The following CNTNAP5 variants were observed in gnomAD, a reference collection of about 807,000 sequenced individuals.
CNTNAP5 encodes contactin-associated protein-like 5.
A neutral mutation model predicts 150.2 loss-of-function variants in CNTNAP5; 72 were observed. The observed-to-expected ratio is 0.48, with a 90% CI of 0.40 to 0.58. The LOEUF is 0.58. Among genes scored for constraint, CNTNAP5 ranks in the 20% least tolerant of loss-of-function variants. CNTNAP5 has a pLI of 0.00. For synonymous variants in CNTNAP5, 672 were observed against 619.8 expected (o/e 1.08, Z -1.25); for missense variants, 1,636 against 1,626.2 (o/e 1.01, Z -0.10).
At chr2:124,119,197 C>CTCTCA (rs1317786478) in intron 1 of CNTNAP5, among the ~76,000 whole-genome samples, 1 of 152,078 alleles carries the variant, frequency 6.6e-6, no homozygotes, top group Non-Finnish European at 1.5e-5. Context: ...TCCCCACTCA[C>CTCTCA]TCTCATCGCG....
chr2:124,074,383 G>A (rs1009081885), intron 1 of CNTNAP5, among the ~76,000 whole-genome samples: 4 of 152,056 alleles, frequency 2.6e-5, no homozygotes, highest in Admixed American at 1.3e-4. Context: ...ATGCTTGAAG[G>A]GATGGCTGCC....
intron 1 of CNTNAP5, among the ~76,000 whole-genome samples, 176 bp downstream of exon 1, chr2:124,025,908 A>G (rs1053749594): frequency 1.3e-5 from 2 of 152,174 alleles, no homozygotes; most frequent in African/African-American, 4.8e-5. Flanking sequence ...TAGAGCTCAA[A>G]TGAGCCAACC....
At chr2:124,746,915 A>G (rs1336163222) in intron 13 of CNTNAP5, among the ~76,000 whole-genome samples, 5 of 152,262 alleles carry the variant, frequency 3.3e-5, no homozygotes, top group Middle Eastern at 3.4e-3. Context: ...AAACATTTTG[A>G]TGAAAATGTC....
At chr2:124,401,806 C>T (rs765620607) in intron 3 of CNTNAP5, among the ~76,000 whole-genome samples, 20 of 152,168 alleles carry the variant, frequency 1.3e-4, no homozygotes, top group African/African-American at 2.2e-4. Context: ...GTGAGGGTAG[C>T]GATGCAGTAG....
chr2:124,510,386 CACAAAT>C (rs1478256630), intron 8 of CNTNAP5, among the ~76,000 whole-genome samples: 5 of 123,036 alleles, frequency 4.1e-5, no homozygotes, highest in African/African-American at 1.5e-4. Flanking sequence ...CACACACACA[CACAAAT>C]ATTCATTGGC....
Position 124,265,761 on chromosome 2 carries a change from C to T in CNTNAP5, c.381+23368C>T, listed in dbSNP as rs76582586. ...GCCGGCCTGGGAGCTAGGGACCTGTCTTCTGCTCCAGCAGCTCTGGTTGGA... is the reference window on the plus strand; with the variant it reads ...GCCGGCCTGGGAGCTAGGGACCTGTTTTCTGCTCCAGCAGCTCTGGTTGGA... On this transcript the variant is annotated intron_variant, in intron 3 of 23. Coordinates refer to ENST00000682447, the MANE Select transcript of CNTNAP5 (RefSeq NM_001367498.1). Among the ~76,000 whole-genome samples the T allele has an allele frequency of 2.0e-5, 3 of 152,162 alleles. No homozygotes were observed. The East Asian group carries it at 5.8e-4, about 30-fold the overall frequency.
chr2:124,448,501 A>T (rs989658121), intron 6 of CNTNAP5, among the ~76,000 whole-genome samples: 2 of 152,074 alleles, frequency 1.3e-5, no homozygotes, highest in Non-Finnish European at 2.9e-5. Flanking sequence ...GTTCAGTGAA[A>T]TCCCGTTGAC....
chr2:124,260,906 G>A (rs2104600747), intron 3 of CNTNAP5, among the ~76,000 whole-genome samples: 1 of 152,144 alleles, frequency 6.6e-6, no homozygotes, highest in Middle Eastern at 3.4e-3. Flanking sequence ...GAGTGCAATT[G>A]TCACATCTTA....
At chr2:124,655,479 G>C (rs1296184647) in intron 13 of CNTNAP5, among the ~76,000 whole-genome samples, 1 of 151,666 alleles carries the variant, frequency 6.6e-6, no homozygotes, top group Non-Finnish European at 1.5e-5. Flanking sequence ...CTTTATAGCA[G>C]AATGATTTAT....
At chr2:124,237,484 G>A (rs75256629) in intron 2 of CNTNAP5, among the ~76,000 whole-genome samples, 2,302 of 152,230 alleles carry the variant, frequency 0.015, 72 homozygotes, top group African/African-American at 0.053. Flanking sequence ...ATATAGAAGT[G>A]AGCATGGAGT....
At chr2:124,364,344 G>A (rs985329870) in intron 3 of CNTNAP5, among the ~76,000 whole-genome samples, 9 of 151,964 alleles carry the variant, frequency 5.9e-5, no homozygotes, top group Non-Finnish European at 1.0e-4. Flanking sequence ...CTGCAAATGC[G>A]TTTGCAATGA....
At chr2:124,732,333 T>C (rs1278466688) in intron 13 of CNTNAP5, among the ~76,000 whole-genome samples, 1 of 152,176 alleles carries the variant, frequency 6.6e-6, no homozygotes, top group Non-Finnish European at 1.5e-5. Flanking sequence ...GTCATATTCC[T>C]ATGGTATGAA....
intron 23 of CNTNAP5, among the ~76,000 whole-genome samples, chr2:124,912,275 T>A (rs1220316172): frequency 6.6e-6 from 1 of 152,138 alleles, no homozygotes; most frequent in Non-Finnish European, 1.5e-5. Context: ...CCGCCATCCC[T>A]GCCTTCTGGA....
intron 13 of CNTNAP5, among the ~76,000 whole-genome samples, chr2:124,713,440 C>A (rs1025789375): frequency 6.7e-6 from 1 of 149,198 alleles, no homozygotes; most frequent in Non-Finnish European, 1.5e-5. Context: ...TGCAGTGATG[C>A]CATCTCGGCT....
intron 12 of CNTNAP5, among the ~76,000 whole-genome samples, chr2:124,620,820 A>G (rs887789278): frequency 2.0e-5 from 3 of 152,026 alleles, no homozygotes; most frequent in Admixed American, 1.3e-4. Context: ...TGGTCATTTA[A>G]TATGCTAATG....
intron 17 of CNTNAP5, among the ~76,000 whole-genome samples, chr2:124,776,387 C>T (rs113841603): frequency 1.3e-5 from 2 of 152,156 alleles, no homozygotes; most frequent in African/African-American, 4.8e-5. Flanking sequence ...CTTGATAAGT[C>T]ATAACATTTG....
chr2:124,492,287 T>C (rs1694049869), intron 7 of CNTNAP5, among the ~76,000 whole-genome samples: 1 of 152,202 alleles, frequency 6.6e-6, no homozygotes, highest in African/African-American at 2.4e-5. Context: ...AAGTTAATTT[T>C]TGTGAGTGTT....
chr2:124,122,896 AT>A (rs1486534796), intron 1 of CNTNAP5, among the ~76,000 whole-genome samples: 3 of 148,898 alleles, frequency 2.0e-5, no homozygotes, highest in African/African-American at 5.0e-5. Flanking sequence ...AAGAAAAAAA[AT>A]ATATGTATAT....
At chr2:124,581,195 G>C (rs1376893585) in intron 11 of CNTNAP5, among the ~76,000 whole-genome samples, 3 of 152,152 alleles carry the variant, frequency 2.0e-5, no homozygotes, top group Non-Finnish European at 4.4e-5. Context: ...CCTGTTTTAT[G>C]CTTTCAAATT....
Sources: allele counts gnomAD v4.1 joint callset (sites outside exome capture counted in the v4.1 genomes callset), GRCh38; gene constraint gnomAD v4.1.1; transcripts MANE v1.5; gene names NCBI Gene and HGNC (gene_info 2026-07-23, HGNC 2026-07-21).